The following VPS13A variants were observed in gnomAD, a reference collection of about 807,000 sequenced individuals.
VPS13A encodes intermembrane lipid transfer protein VPS13A.
VPS13A carries 264 observed loss-of-function variants against 390.9 expected under a neutral mutation model. The observed-to-expected ratio is 0.68, with a 90% CI of 0.61 to 0.75. The LOEUF is 0.75. Among genes scored for constraint, VPS13A ranks in the 30% least tolerant of loss-of-function variants. The probability of loss-of-function intolerance (pLI) is 0.00; values close to 1 mark genes in which losing one functional copy is unlikely to be tolerated. For synonymous variants in VPS13A, 1,231 were observed against 1,227.1 expected (o/e 1.00, Z -0.07); for missense variants, 3,409 against 3,733.9 (o/e 0.91, Z 2.27).
intron 67 of VPS13A, among the ~76,000 whole-genome samples, chr9:77,374,189 C>A (rs1211977128): frequency 1.3e-5 from 2 of 152,130 alleles, no homozygotes; most frequent in African/African-American, 4.8e-5. Flanking sequence ...CTGCAGGGAT[C>A]TGCAGTGGAT....
intron 52 of VPS13A, among the ~76,000 whole-genome samples, chr9:77,349,291 A>T (rs1399204947): frequency 6.6e-6 from 1 of 151,966 alleles, no homozygotes; most frequent in Non-Finnish European, 1.5e-5. Flanking sequence ...TTCAAAGCAC[A>T]ATTTTTTTTT....
At chr9:77,366,898 A>C in intron 61 of VPS13A, 26 bp downstream of exon 61, 1 of 1,606,188 alleles carries the variant, frequency 6.2e-7, no homozygotes, top group South Asian at 1.1e-5. Context: ...AAATCTGTAA[A>C]TTGATGGAAA....
chr9:77,360,692 T>C, intron 59 of VPS13A, 51 bp downstream of exon 59: 1 of 1,364,014 alleles, frequency 7.3e-7, no homozygotes, highest in Non-Finnish European at 1.0e-6. Flanking sequence ...GAAAAGATAT[T>C]ATTATAAATT....
intron 35 of VPS13A, among the ~76,000 whole-genome samples, chr9:77,310,173 T>G (rs1454538424): frequency 1.3e-5 from 2 of 152,142 alleles, no homozygotes; most frequent in African/African-American, 4.8e-5. Flanking sequence ...AAAGTGTATT[T>G]CAGAAAGTCA....
At chr9:77,252,415 C>G (rs903721236) in intron 22 of VPS13A, 63 bp downstream of exon 22, 97 of 1,267,566 alleles carry the variant, frequency 7.7e-5, no homozygotes, top group Non-Finnish European at 5.4e-5. Flanking sequence ...TAGGGAAATA[C>G]CATACTTAAC....
chr9:77,264,605 A>G (rs1282891183), intron 23 of VPS13A, among the ~76,000 whole-genome samples: 1 of 152,056 alleles, frequency 6.6e-6, no homozygotes, highest in Admixed American at 6.5e-5. Context: ...TTTGTCTATT[A>G]TTGGTGTATA....
chr9:77,286,269 G>T (rs1328486480), intron 31 of VPS13A, among the ~76,000 whole-genome samples: 1 of 152,144 alleles, frequency 6.6e-6, no homozygotes, highest in Non-Finnish European at 1.5e-5. Context: ...AGGCATGTTG[G>T]TCAGATGGGA....
At chr9:77,347,863 G>GT (rs35366264) in intron 52 of VPS13A, among the ~76,000 whole-genome samples, 29,479 of 147,836 alleles carry the variant, frequency 0.2, 3,055 homozygotes, top group Middle Eastern at 0.26. Context: ...ACAAAGTGAA[G>GT]TTTTTTTTTT....
At chr9:77,355,113 C>G (rs751317923) in intron 54 of VPS13A, among the ~76,000 whole-genome samples, 22 of 152,146 alleles carry the variant, frequency 1.4e-4, no homozygotes, top group Non-Finnish European at 3.2e-4. Flanking sequence ...GCATTTATAA[C>G]CAAACACCTC....
chr9:77,218,619 G>C (rs1286549235), intron 10 of VPS13A, among the ~76,000 whole-genome samples: 1 of 150,062 alleles, frequency 6.7e-6, no homozygotes, highest in Non-Finnish European at 1.5e-5. Flanking sequence ...GGTTCAATAA[G>C]GTTCTCATAC....
At chr9:77,403,955 A>G (rs1388819223) in intron 69 of VPS13A, among the ~76,000 whole-genome samples, 2 of 152,332 alleles carry the variant, frequency 1.3e-5, no homozygotes, top group East Asian at 1.9e-4. Context: ...TTGTCAATCT[A>G]TGGTTTTGTT....
intron 2 of VPS13A, among the ~76,000 whole-genome samples, chr9:77,200,487 T>TCAAAA (rs1047217805): frequency 2.0e-5 from 3 of 152,148 alleles, no homozygotes; most frequent in African/African-American, 7.2e-5. Context: ...AGACTCTGTC[T>TCAAAA]CAAAACAAAA....
At chr9:77,226,350 A>G (rs1002728519) in intron 14 of VPS13A, 116 bp from the exon 15 acceptor site, 10 of 950,356 alleles carry the variant, frequency 1.1e-5, no homozygotes, top group South Asian at 7.2e-5. Context: ...TAATGTGTAT[A>G]TTGTTTACAT....
intron 59 of VPS13A, among the ~76,000 whole-genome samples, chr9:77,363,515 C>G (rs747328875): frequency 2.7e-5 from 4 of 148,790 alleles, no homozygotes; most frequent in Non-Finnish European, 5.9e-5. Context: ...TTGTGCAATT[C>G]TCGTTTTTCA....
At chr9:77,405,799 T>A in intron 69 of VPS13A, 65 bp from the exon 70 acceptor site, 1 of 1,595,332 alleles carries the variant, frequency 6.3e-7, no homozygotes, top group Non-Finnish European at 8.5e-7. Context: ...ATTCGTATCC[T>A]GTTGTTATTG....
At chr9:77,183,991 G>A (rs1437091286) in intron 1 of VPS13A, among the ~76,000 whole-genome samples, 1 of 152,182 alleles carries the variant, frequency 6.6e-6, no homozygotes, top group African/African-American at 2.4e-5. Context: ...AGAATAAGTT[G>A]TAGAGATGAG....
intron 45 of VPS13A, among the ~76,000 whole-genome samples, chr9:77,327,653 A>ATTAT (rs139014781): frequency 0.056 from 8,445 of 151,246 alleles, 348 homozygotes; most frequent in South Asian, 0.12. Context: ...TATTATTATT[A>ATTAT]TATATTAATC....
intron 69 of VPS13A, among the ~76,000 whole-genome samples, chr9:77,404,249 TG>T: frequency 6.6e-6 from 1 of 152,202 alleles, no homozygotes; most frequent in East Asian, 1.9e-4. Flanking sequence ...AAATATTCTA[TG>T]CCTCTACAGG....
chr9:77,253,167 T>A (rs1825238865), intron 22 of VPS13A, among the ~76,000 whole-genome samples: 1 of 152,242 alleles, frequency 6.6e-6, no homozygotes, highest in Non-Finnish European at 1.5e-5. Context: ...TTAATAGTCA[T>A]CCTAATAGGT....
Sources: allele counts gnomAD v4.1 joint callset (sites outside exome capture counted in the v4.1 genomes callset), GRCh38; gene constraint gnomAD v4.1.1; transcripts MANE v1.5; gene names NCBI Gene and HGNC (gene_info 2026-07-23, HGNC 2026-07-21).